The following RAG1 variants were observed in gnomAD, a reference collection of about 807,000 sequenced individuals.
RAG1 encodes V(D)J recombination-activating protein 1.
Under a neutral mutation model 62.7 loss-of-function variants are expected in RAG1, and 35 were observed. The observed-to-expected ratio is 0.56, with a 90% CI of 0.43 to 0.74. The LOEUF is 0.74. Among genes scored for constraint, RAG1 ranks in the 30% least tolerant of loss-of-function variants. The pLI is 0.00. For synonymous variants in RAG1, 461 were observed against 470.3 expected (o/e 0.98, Z 0.26); for missense variants, 1,169 against 1,278.6 (o/e 0.91, Z 1.31).
rs371556533 is a variant in RAG1 at position 36,546,895 on chromosome 11, C to T, written c.-412+10861C>T. On this transcript the variant is annotated intron_variant and NMD_transcript_variant, in intron 3 of 9. Transcript: ENST00000534663. ...TAAGAATGAAGAAAAGAATTTTCTTCGGGCTTGCAGGGTTTCTGTGGAGAC... is the reference window on the plus strand; with the variant it reads ...TAAGAATGAAGAAAAGAATTTTCTTTGGGCTTGCAGGGTTTCTGTGGAGAC... Among the ~76,000 whole-genome samples, 82 of 152,218 alleles carry T rather than the reference C, an allele frequency of 5.4e-4. 1 individual carries two copies. Among genetic ancestry groups the T allele is most frequent in the Middle Eastern group, 6.8e-3 (2 of 294 alleles).
upstream of RAG1, chr11:36,566,411 A>G (rs1246725118): frequency 6.6e-6 from 1 of 152,144 alleles, no homozygotes; most frequent in African/African-American, 2.4e-5. Flanking sequence ...TTGTTCTAAT[A>G]CTGTGGGATA....
chr11:36,562,442 G>T (rs915417070), intron 3 of RAG1, among the ~76,000 whole-genome samples: 1 of 152,146 alleles, frequency 6.6e-6, no homozygotes, highest in Non-Finnish European at 1.5e-5. Context: ...AGTCAGAGAG[G>T]TTATGAAATG....
intron 1 of RAG1, 79 bp from the exon 2 acceptor site, chr11:36,573,212 A>G: frequency 7.4e-7 from 1 of 1,344,530 alleles, no homozygotes; most frequent in African/African-American, 1.5e-5. Flanking sequence ...AATTGAATGT[A>G]TTTATTTTTA....
Position 36,574,953 on chromosome 11 carries a change from A to G in RAG1, c.1649A>G (p.Asp550Gly). The G allele has an allele frequency of 6.2e-7, 1 of 1,614,158 alleles. No homozygotes were observed. The highest frequency in any genetic ancestry group is 8.5e-7 in the Non-Finnish European group (1 of 1,180,022). Reference sequence around the variant, plus strand: ...TCTGGACTATCATCCTCTGTGGATGATTACCCAGTGGACACCATTGCAAAG... The same window carrying G: ...TCTGGACTATCATCCTCTGTGGATGGTTACCCAGTGGACACCATTGCAAAG... ...GLSGLSSSVD[D>G]YPVDTIAKRF... Residue 550 changes from aspartate to glycine, a missense_variant, in exon 2 of 2, where the codon GAT becomes GGT. Around this residue, in one of 2 missense-constraint regions of RAG1, gnomAD observed 800 missense variants for 943.3 expected, o/e 0.85. Transcript: ENST00000299440.
intron 3 of RAG1, among the ~76,000 whole-genome samples, chr11:36,551,603 T>TC (rs1345657318): frequency 5.0e-5 from 4 of 79,220 alleles, no homozygotes; most frequent in African/African-American, 2.2e-4. Context: ...AATTACTTCT[T>TC]TTTTTTTTTT....
At chr11:36,534,605 C>A (rs1248828444) in intron 2 of RAG1, among the ~76,000 whole-genome samples, 1 of 152,164 alleles carries the variant, frequency 6.6e-6, no homozygotes, top group Non-Finnish European at 1.5e-5. Context: ...GAAGGCCAAT[C>A]TAGAATCAAG....
At chr11:36,529,453 C>G (rs1860217542) in intron 2 of RAG1, among the ~76,000 whole-genome samples, 1 of 152,146 alleles carries the variant, frequency 6.6e-6, no homozygotes, top group Non-Finnish European at 1.5e-5. Flanking sequence ...GCACTTCATG[C>G]TAAAAATTCT....
upstream of RAG1, among the ~76,000 whole-genome samples, chr11:36,567,852 C>T (rs1026803281): frequency 3.3e-5 from 5 of 152,176 alleles, no homozygotes; most frequent in Non-Finnish European, 5.9e-5. Context: ...ACACTCAGGC[C>T]CCCCTGAGCT....
At chr11:36,545,059 A>G (rs1850373079) in intron 3 of RAG1, among the ~76,000 whole-genome samples, 1 of 152,244 alleles carries the variant, frequency 6.6e-6, no homozygotes, top group East Asian at 1.9e-4. Flanking sequence ...CGTTGAAAAG[A>G]TAGATTAGAA....
chr11:36,512,960 G>A (rs1481425055), intron 1 of RAG1, among the ~76,000 whole-genome samples: 2 of 152,196 alleles, frequency 1.3e-5, no homozygotes, highest in East Asian at 1.9e-4. Flanking sequence ...GATCCCCAAT[G>A]TGGTGGTTTT....
chr11:36,534,145 C>T (rs931848027), intron 2 of RAG1, among the ~76,000 whole-genome samples: 2 of 151,946 alleles, frequency 1.3e-5, no homozygotes, highest in African/African-American at 2.4e-5. Context: ...CATAATTGCT[C>T]TCTTCAGACA....
chr11:36,546,483 G>A (rs1432952175), intron 3 of RAG1, among the ~76,000 whole-genome samples: 2 of 152,168 alleles, frequency 1.3e-5, no homozygotes, highest in Admixed American at 1.3e-4. Context: ...TTGCACATGA[G>A]ATGGGTCTCC....
downstream of RAG1, among the ~76,000 whole-genome samples, chr11:36,540,654 CCTT>C (rs1187045232): frequency 6.6e-6 from 1 of 152,154 alleles, no homozygotes; most frequent in African/African-American, 2.4e-5. Flanking sequence ...GATCTGCCCT[CCTT>C]GGTCTCCCAA....
intron 1 of RAG1, among the ~76,000 whole-genome samples, chr11:36,570,733 A>C (rs1850727330): frequency 6.6e-6 from 1 of 152,136 alleles, no homozygotes; most frequent in Admixed American, 6.6e-5. Flanking sequence ...GTGAGATGAC[A>C]TCTCATTGTA....
At chr11:36,560,553 C>T (rs577537976) in intron 3 of RAG1, among the ~76,000 whole-genome samples, 8 of 152,244 alleles carry the variant, frequency 5.3e-5, no homozygotes, top group South Asian at 2.1e-4. Context: ...GGTGGCTCTG[C>T]TCTCAGCATG....
intron 2 of RAG1, among the ~76,000 whole-genome samples, chr11:36,520,563 C>T (rs1860063435): frequency 2.0e-5 from 3 of 152,200 alleles, no homozygotes; most frequent in Admixed American, 6.5e-5. Flanking sequence ...AGGCATGAGC[C>T]ATGGCGCCTG....
intron 3 of RAG1, among the ~76,000 whole-genome samples, chr11:36,541,939 T>C (rs1850309338): frequency 6.6e-6 from 1 of 151,966 alleles, no homozygotes; most frequent in South Asian, 2.1e-4. Flanking sequence ...TCTGGGAAGA[T>C]TGTGACCCCA....
intron 3 of RAG1, among the ~76,000 whole-genome samples, chr11:36,562,137 T>G (rs1409733774): frequency 6.6e-6 from 1 of 152,076 alleles, no homozygotes; most frequent in Non-Finnish European, 1.5e-5. Context: ...AGAAGTAAAG[T>G]GATTTGACTT....
Position 36,577,174 on chromosome 11 carries a change from A to G in RAG1, c.*738A>G, listed in dbSNP as rs1470897241. On this transcript the variant is annotated 3_prime_UTR_variant, in exon 2 of 2. Transcript: ENST00000299440. The stretch of plus-strand genomic sequence containing the variant: ...TGAATTTAGAATACACCTGTTAGCT[A>G]CAGTTAGTTATTAAATCTTCTGATA... The G allele has an allele frequency of 6.0e-6, 1 of 166,874 alleles. No individual in the cohort carries two copies. Among genetic ancestry groups the G allele is most frequent in the East Asian group, 1.9e-4 (1 of 5,206 alleles). The allele number at this position is 166,874 out of a possible 1,614,324, so 10.3% of individuals were successfully genotyped here.
Sources: gnomAD v4.1 joint callset for allele counts (sites outside exome capture counted in the v4.1 genomes callset) on GRCh38, gnomAD v4.1.1 for gene constraint, gnomAD v4.1.1 regional missense constraint, MANE v1.5 for transcripts, NCBI Gene and HGNC (gene_info 2026-07-23, HGNC 2026-07-21) for gene names.